Variants in ELL2 observed in about 807,000 individuals in gnomAD.
The protein encoded by ELL2 is RNA polymerase II elongation factor ELL2.
In ELL2, 21 loss-of-function variants were observed where a neutral mutation model predicts 72.8. The observed-to-expected ratio is 0.29, with a 90% CI of 0.20 to 0.42. ELL2 has a LOEUF of 0.42. Ranked by LOEUF, ELL2 falls within the 10% of genes least tolerant of loss-of-function variation. ELL2 has a pLI of 1.00. For synonymous variants in ELL2, 266 were observed against 283.2 expected, an observed-to-expected ratio of 0.94 and a Z score of 0.61; for missense variants, 568 against 772.8, an observed-to-expected ratio of 0.73 and a Z score of 3.14.
At position 95,895,707 on chromosome 5, in the gene ELL2, A is replaced by C; in HGVS notation, c.1526-16T>G. 6.2e-7 allele frequency: 1 copy of C among 1,608,798 alleles called. No individual in the cohort carries two copies. Among genetic ancestry groups the C allele is most frequent in the Non-Finnish European group, 8.5e-7 (1 of 1,175,388 alleles). ...TCTTTAACTCCTATGAAGAAAAAAA[A>C]CAAAATCAGAGCATTCATCAACTAC... On this transcript the variant is annotated splice_polypyrimidine_tract_variant and intron_variant, in intron 8 of 11. Coordinates refer to ENST00000237853, the MANE Select transcript of ELL2 (RefSeq NM_012081.6).
In ELL2 at chr5:95,915,913, C is replaced by T. The variant is rs564900092; in HGVS notation, c.318-1979G>A. ...ATGTGTTACAGGTTTTGGACCTTATCCAAAGGATAACGAGAGGCTGAAATC... is the reference window on the plus strand; with the variant it reads ...ATGTGTTACAGGTTTTGGACCTTATTCAAAGGATAACGAGAGGCTGAAATC... On this transcript the variant is annotated intron_variant, in intron 3 of 11. Coordinates refer to ENST00000237853, the MANE Select transcript of ELL2 (RefSeq NM_012081.6). Among the ~76,000 whole-genome samples, 26 of 151,936 alleles carry T rather than the reference C, an allele frequency of 1.7e-4. No homozygotes were observed. In the South Asian group the frequency reaches 5.4e-3, roughly 32 times the overall value.
At chr5:95,929,402 G>A (rs1750515337) in intron 2 of ELL2, among the ~76,000 whole-genome samples, 1 of 151,970 alleles carries the variant, frequency 6.6e-6, no homozygotes, top group Non-Finnish European at 1.5e-5. Flanking sequence ...GGGATTACAG[G>A]TGTGCACCAC....
At chr5:95,914,239 T>G (rs1580499366) in intron 3 of ELL2, among the ~76,000 whole-genome samples, 1 of 152,170 alleles carries the variant, frequency 6.6e-6, no homozygotes, top group Non-Finnish European at 1.5e-5. Context: ...AGTTGTTTTA[T>G]TTAACTGTTA....
rs776344747 is a variant in ELL2, at chr5:95,891,228, C to T, written c.1636G>A (p.Asp546Asn). Residue 546 changes from aspartate to asparagine, a missense_variant, in exon 10 of 12, where the codon GAT (aspartate) becomes AAT (asparagine). This residue lies in a region of ELL2 where 511 missense variants were observed against 728.4 expected (regional missense o/e 0.70). Transcript: ENST00000237853. ...TCATCATACTCTGCATTGAAGTCAT[C>T]CTTATAATTCTGGCGTTGCTCATAG... ...VSYEQRQNYK[D>N]DFNAEYDEYR... The T allele has an allele frequency of 1.2e-6, 2 of 1,613,966 alleles. No homozygotes were observed. Among genetic ancestry groups the T allele is most frequent in the Non-Finnish European group, 1.7e-6 (2 of 1,179,978 alleles).
chr5:95,936,395 A>C (rs1750774134), intron 2 of ELL2, among the ~76,000 whole-genome samples: 1 of 152,154 alleles, frequency 6.6e-6, no homozygotes, highest in South Asian at 2.1e-4. Flanking sequence ...TGGGGGAAAA[A>C]AATTGTTTTA....
chr5:95,922,949 T>A (rs1363136241), intron 2 of ELL2, among the ~76,000 whole-genome samples: 1 of 152,244 alleles, frequency 6.6e-6, no homozygotes, highest in East Asian at 1.9e-4. Flanking sequence ...AGGGTGCTAT[T>A]GGCATGTAGT....
intron 10 of ELL2, 199 bp downstream of exon 10, chr5:95,890,904 C>T: frequency 3.2e-6 from 2 of 617,202 alleles, no homozygotes; most frequent in Non-Finnish European, 5.5e-6. Context: ...GGTTTTTTTC[C>T]ACTGGTAGAA....
At chr5:95,896,616 C>T (rs982336319) in intron 8 of ELL2, among the ~76,000 whole-genome samples, 5 of 152,116 alleles carry the variant, frequency 3.3e-5, no homozygotes, top group South Asian at 2.1e-4. Flanking sequence ...CATGCTTTTA[C>T]GATAGTCTGA....
At chr5:95,960,345 C>T (rs1751779982) in intron 1 of ELL2, among the ~76,000 whole-genome samples, 1 of 151,990 alleles carries the variant, frequency 6.6e-6, no homozygotes, top group Non-Finnish European at 1.5e-5. Context: ...TCCGGTCTCC[C>T]ACAGTACTGC....
chr5:95,915,927 G>A (rs999838936), intron 3 of ELL2, among the ~76,000 whole-genome samples: 2 of 152,194 alleles, frequency 1.3e-5, no homozygotes, highest in African/African-American at 4.8e-5. Context: ...AGGATAACGA[G>A]AGGCTGAAAT....
intron 2 of ELL2, among the ~76,000 whole-genome samples, chr5:95,923,233 AT>A (rs1317631797): frequency 1.4e-5 from 2 of 138,394 alleles, no homozygotes; most frequent in East Asian, 4.4e-4. Flanking sequence ...AAAATAAAAA[AT>A]AAAGTGAAAA....
At position 95,927,764 on chromosome 5, in the gene ELL2, T is replaced by C. The variant is rs1210428342; in HGVS notation, c.196-8219A>G. On this transcript the variant is annotated intron_variant, in intron 2 of 11. Coordinates refer to ENST00000237853, the MANE Select transcript of ELL2 (RefSeq NM_012081.6). ...ACACACATATGTGTGTATATAGACA[T>C]ACACACACACATATGTGTGTATATA... is the stretch of plus-strand genomic sequence containing the variant. Among the ~76,000 whole-genome samples the C allele has an allele frequency of 5.7e-4, 40 of 70,156 alleles. 11 individuals are homozygous for C. In the South Asian group the frequency reaches 0.011, roughly 20 times the overall value. The allele number at this position is 70,156 out of a possible 152,430, so 46.0% of individuals were successfully genotyped here. A position where few individuals can be genotyped will look rare whatever the true frequency, so the allele number is the denominator to read the frequency against.
intron 1 of ELL2, among the ~76,000 whole-genome samples, chr5:95,948,385 G>A (rs1751250634): frequency 7.5e-6 from 1 of 133,622 alleles, no homozygotes; most frequent in Non-Finnish European, 1.5e-5. Context: ...AGCCGAGATG[G>A]CGCCACAGCA....
chr5:95,887,003 C>A lies in ELL2; in HGVS notation c.*1868G>T, dbSNP rs546659707. 3.9e-5 allele frequency: 6 copies of A among 152,202 alleles called. No homozygotes were observed. The highest frequency in any genetic ancestry group is 6.8e-3 in the Middle Eastern group (2 of 294). The allele number at this position is 152,202 out of a possible 1,614,324, so 9.4% of individuals were successfully genotyped here. A position where few individuals can be genotyped will look rare whatever the true frequency, so the allele number is the denominator to read the frequency against. ...GAGACTCTATCATAATAATATGATG[C>A]CTGAATTTATCCCCAATTAAGTTTC... On this transcript the variant is annotated 3_prime_UTR_variant, in exon 12 of 12. Coordinates refer to ENST00000237853, the MANE Select transcript of ELL2 (RefSeq NM_012081.6).
intron 5 of ELL2, among the ~76,000 whole-genome samples, chr5:95,905,036 G>A (rs977757489): frequency 1.3e-5 from 2 of 152,014 alleles, no homozygotes; most frequent in African/African-American, 4.8e-5. Context: ...TATAGAATAT[G>A]AGTGCCTAGG....
chr5:95,937,996 C>T (rs1463972582), intron 2 of ELL2, among the ~76,000 whole-genome samples: 1 of 152,172 alleles, frequency 6.6e-6, no homozygotes, highest in Non-Finnish European at 1.5e-5. Context: ...GAAGGACAAT[C>T]TGCAGGAAGC....
intron 2 of ELL2, among the ~76,000 whole-genome samples, chr5:95,938,865 C>T (rs374853504): frequency 5.9e-5 from 9 of 152,012 alleles, no homozygotes; most frequent in Admixed American, 2.0e-4. Context: ...GAGTTAATAC[C>T]GAGGTCTAGA....
intron 2 of ELL2, among the ~76,000 whole-genome samples, chr5:95,929,168 T>C (rs1750502302): frequency 6.6e-6 from 1 of 152,174 alleles, no homozygotes; most frequent in Admixed American, 6.5e-5. Flanking sequence ...TATTGCTGCC[T>C]TCACTACATT....
intron 2 of ELL2, among the ~76,000 whole-genome samples, chr5:95,940,193 C>T (rs1247567497): frequency 6.6e-6 from 1 of 152,156 alleles, no homozygotes; most frequent in African/African-American, 2.4e-5. Context: ...GTAAAATGAA[C>T]AGTGAAGTCA....
Sources: allele counts gnomAD v4.1 joint callset (sites outside exome capture counted in the v4.1 genomes callset), GRCh38; gene constraint gnomAD v4.1.1; regional missense constraint gnomAD v4.1.1; transcripts MANE v1.5; gene names NCBI Gene and HGNC (gene_info 2026-07-23, HGNC 2026-07-21).